JCAD: variants seen among roughly 807,000 people sequenced by gnomAD.
The protein encoded by JCAD is junctional cadherin 5-associated protein.
In JCAD, 40 loss-of-function variants were observed where a neutral mutation model predicts 98.0. The observed-to-expected ratio is 0.41, with a 90% CI of 0.32 to 0.53. JCAD has a LOEUF of 0.53. JCAD is among the 20% of genes least tolerant of loss of function. The pLI, the probability that JCAD is intolerant of heterozygous loss-of-function variation, is 0.31. For synonymous variants in JCAD, 691 were observed against 682.3 expected, an observed-to-expected ratio of 1.01 and a Z score of -0.20; for missense variants, 1,705 against 1,738.1, an observed-to-expected ratio of 0.98 and a Z score of 0.34.
chr10:30,044,116 A>G (rs1253576110), intron 2 of JCAD, among the ~76,000 whole-genome samples: 1 of 152,140 alleles, frequency 6.6e-6, no homozygotes, highest in Non-Finnish European at 1.5e-5. Flanking sequence ...TGACACAGCA[A>G]GAAGGCCCTC....
At chr10:30,113,420 A>G (rs373929101) in intron 1 of JCAD, among the ~76,000 whole-genome samples, 1 of 151,898 alleles carries the variant, frequency 6.6e-6, no homozygotes, top group East Asian at 1.9e-4. Flanking sequence ...GCGTGGTGGC[A>G]GGCGCCTGTA....
chr10:30,070,932 G>C (rs1837874319), intron 1 of JCAD, among the ~76,000 whole-genome samples: 1 of 152,204 alleles, frequency 6.6e-6, no homozygotes, highest in South Asian at 2.1e-4. Context: ...TTGAGACGGA[G>C]TCTCGCTTTA....
intron 2 of JCAD, among the ~76,000 whole-genome samples, chr10:30,042,580 A>C (rs1349732039): frequency 6.6e-6 from 1 of 152,120 alleles, no homozygotes; most frequent in Non-Finnish European, 1.5e-5. Flanking sequence ...AGAGGAGCAA[A>C]ACAAGTACCC....
chr10:30,103,818 G>A (rs563697056), intron 1 of JCAD, among the ~76,000 whole-genome samples: 1 of 145,286 alleles, frequency 6.9e-6, no homozygotes, highest in East Asian at 2.1e-4. Flanking sequence ...TGCAACCTCC[G>A]CCTCCTGGGT....
In JCAD at chr10:30,072,734, C is replaced by A. The variant is rs191238901; in HGVS notation, n.129-2913G>T. Reference sequence around the variant, plus strand: ...GTGGTGCAATCTAAGCTCACTGCAACCTTCGCCTCCTGGGTTCAAGAGATT... The same window carrying A: ...GTGGTGCAATCTAAGCTCACTGCAAACTTCGCCTCCTGGGTTCAAGAGATT... On this transcript the variant is annotated intron_variant and non_coding_transcript_variant, in intron 1 of 2. Coordinates refer to the JCAD transcript ENST00000465712. Among the ~76,000 whole-genome samples, 22 of 151,974 alleles carry A rather than the reference C, an allele frequency of 1.4e-4. No individual in the cohort carries two copies. The East Asian group carries it at 3.9e-3, about 27-fold the overall frequency.
intron 1 of JCAD, among the ~76,000 whole-genome samples, chr10:30,104,593 A>G (rs571023456): frequency 6.6e-6 from 1 of 152,274 alleles, no homozygotes; most frequent in South Asian, 2.1e-4. Context: ...GAGGAGGGCA[A>G]GGGTTGAACA....
At position 30,029,098 on chromosome 10, in the gene JCAD, C is replaced by T. The variant is rs780771035; in HGVS notation, c.1050G>A (p.Pro350=). 2.3e-5 allele frequency: 37 copies of T among 1,613,940 alleles called. No homozygotes were observed. The highest frequency in any genetic ancestry group is 1.9e-4 in the South Asian group (17 of 91,052). Residue 350 remains proline, a synonymous_variant, in exon 3 of 4, where the codon CCG becomes CCA. Transcript: ENST00000375377. ...CCAAGTAGGGGTTTGGGATGTTCTG[C>T]GGGGGCGATCTGTATGAGGGCGGAG... ...YVPPPSYRSP[P]QNIPNPYLED... is the part of the protein sequence containing the mutation.
At chr10:30,070,766 G>T (rs1837870810) in intron 1 of JCAD, among the ~76,000 whole-genome samples, 1 of 152,184 alleles carries the variant, frequency 6.6e-6, no homozygotes, top group South Asian at 2.1e-4. Flanking sequence ...CTTTTTAAAA[G>T]CAGTACTACC....
chr10:30,053,220 G>A (rs1013508184), intron 1 of JCAD, among the ~76,000 whole-genome samples: 35 of 151,988 alleles, frequency 2.3e-4, no homozygotes, highest in African/African-American at 8.5e-4. Context: ...AATGGTGGGG[G>A]GTGGGGGGTG....
Position 30,026,474 on chromosome 10 carries a change from C to G in JCAD, c.3674G>C (p.Ser1225Thr), listed in dbSNP as rs199686924. ...TLFHFVERTP[S>T]VAGSEKRLRS... Reference sequence around the variant, plus strand: ...AAGTCTCTTTTCAGAGCCTGCCACACTTGGGGTTCTTTCTACAAAATGGAA... The same window carrying G: ...AAGTCTCTTTTCAGAGCCTGCCACAGTTGGGGTTCTTTCTACAAAATGGAA... The change falls in exon 3 of 4, where the codon AGT becomes ACT. Residue 1225 changes from serine (S) to threonine (T), a missense_variant. Physicochemically the swap from Ser to Thr is moderately conservative, Grantham distance 58. Around this residue, in one of 3 missense-constraint regions of JCAD, gnomAD observed 1,278 missense variants for 1,243.1 expected, o/e 1.03. Transcript: ENST00000375377. 6.2e-7 allele frequency: 1 copy of G among 1,614,252 alleles called. No individual in the cohort carries two copies. The highest frequency in any genetic ancestry group is 2.2e-5 in the East Asian group (1 of 44,886).
chr10:30,112,566 G>C (rs1838722819), intron 1 of JCAD, among the ~76,000 whole-genome samples: 1 of 152,062 alleles, frequency 6.6e-6, no homozygotes, highest in African/African-American at 2.4e-5. Flanking sequence ...CATAATGTAT[G>C]ATTTCATTTA....
intron 1 of JCAD, among the ~76,000 whole-genome samples, chr10:30,055,126 A>G (rs1837543111): frequency 6.6e-6 from 1 of 152,220 alleles, no homozygotes; most frequent in African/African-American, 2.4e-5. Context: ...TGTTTTCAGG[A>G]AGCCAAAATC....
rs186785643 is a variant in JCAD, at chr10:30,051,656, T to C, written c.-59-3785A>G. 4.5e-3 allele frequency among the ~76,000 whole-genome samples: 688 copies of C among 152,190 alleles called. 9 individuals carry two copies. In the South Asian group the frequency reaches 0.05, roughly 11 times the overall value. ...TTAATTTGAATAGACAACAGCAAAC[T>C]ACAAATGGGTTTGGGCAAGGGAAAT... is the stretch of plus-strand genomic sequence containing the variant. On this transcript the variant is annotated intron_variant, in intron 1 of 3. Coordinates refer to ENST00000375377, the MANE Select transcript of JCAD (RefSeq NM_020848.4).
intron 1 of JCAD, among the ~76,000 whole-genome samples, chr10:30,079,161 C>A (rs1231023141): frequency 1.3e-5 from 2 of 151,794 alleles, no homozygotes. Context: ...GGAGATGAGA[C>A]CACGGTGAAA....
chr10:30,017,805 T>A lies in JCAD; in HGVS notation c.*78A>T. 7.6e-7 allele frequency: 1 copy of A among 1,311,956 alleles called. No homozygotes were observed. Among genetic ancestry groups the A allele is most frequent in the Non-Finnish European group, 1.1e-6 (1 of 905,340 alleles). The allele number at this position is 1,311,956 out of a possible 1,614,324, so 81.3% of individuals were successfully genotyped here. On this transcript the variant is annotated 3_prime_UTR_variant, in exon 4 of 4. Transcript: ENST00000375377. ...AGCTTCCAGCTTCTACATGGGGAAGTGGGGCTGATAGACTAAATCTACCAG... is the reference window on the plus strand; with the variant it reads ...AGCTTCCAGCTTCTACATGGGGAAGAGGGGCTGATAGACTAAATCTACCAG...
chr10:30,112,797 G>A (rs1202348414), intron 1 of JCAD, among the ~76,000 whole-genome samples: 4 of 151,466 alleles, frequency 2.6e-5, no homozygotes, highest in South Asian at 2.1e-4. Context: ...GCTTGAACCC[G>A]GGAGGCAGAG....
intron 1 of JCAD, among the ~76,000 whole-genome samples, chr10:30,085,279 A>G (rs1384217195): frequency 6.6e-6 from 1 of 151,488 alleles, no homozygotes; most frequent in African/African-American, 2.4e-5. Context: ...TGATTTTGTG[A>G]CCTTGAATTG....
At chr10:30,082,086 CT>C (rs1159304714) in intron 1 of JCAD, among the ~76,000 whole-genome samples, 5 of 152,080 alleles carry the variant, frequency 3.3e-5, no homozygotes, top group African/African-American at 1.2e-4. Context: ...GTGCTTTTAC[CT>C]TTTTCTTTGA....
At chr10:30,102,928 T>C (rs1457932603) in intron 1 of JCAD, among the ~76,000 whole-genome samples, 1 of 152,130 alleles carries the variant, frequency 6.6e-6, no homozygotes, top group African/African-American at 2.4e-5. Flanking sequence ...TCAGACCTCA[T>C]GAGACTTATT....
Sources: gnomAD v4.1 joint callset for allele counts (sites outside exome capture counted in the v4.1 genomes callset) on GRCh38, gnomAD v4.1.1 for gene constraint, gnomAD v4.1.1 regional missense constraint, MANE v1.5 for transcripts, NCBI Gene and HGNC (gene_info 2026-07-23, HGNC 2026-07-21) for gene names.